Variants in FAF1 observed in about 807,000 individuals in gnomAD.
The protein encoded by FAF1 is Fas associated factor 1, also known as FAS-associated factor 1.
FAF1 carries 25 observed loss-of-function variants against 92.5 expected under a neutral mutation model. That is an observed-to-expected ratio of 0.27 (90% CI 0.20 to 0.38). FAF1 has a LOEUF of 0.38. FAF1 is among the 10% of genes least tolerant of loss of function. FAF1 has a pLI of 1.00. For synonymous variants in FAF1, 234 were observed against 273.2 expected (o/e 0.86, Z 1.42); for missense variants, 636 against 793.3 (o/e 0.80, Z 2.38).
At chr1:50,806,710 G>A (rs181623681) in intron 2 of FAF1, among the ~76,000 whole-genome samples, 76 of 152,298 alleles carry the variant, frequency 5.0e-4, no homozygotes, top group South Asian at 4.6e-3. Context: ...CAAGAATGCC[G>A]GGGGCCTGGT....
chr1:50,678,959 C>A (rs1004647682), intron 7 of FAF1, among the ~76,000 whole-genome samples: 1 of 147,286 alleles, frequency 6.8e-6, no homozygotes, highest in South Asian at 2.2e-4. Context: ...TGGTGGCAGG[C>A]GCCTGTAGTC....
chr1:50,819,930 A>G (rs1484019017), intron 2 of FAF1, among the ~76,000 whole-genome samples: 1 of 149,658 alleles, frequency 6.7e-6, no homozygotes, highest in East Asian at 1.9e-4. Context: ...ATATTTTTCC[A>G]CTTTAATTGA....
At chr1:50,872,064 C>CAAAAAAAA (rs200142842) in intron 1 of FAF1, among the ~76,000 whole-genome samples, 1 of 65,520 alleles carries the variant, frequency 1.5e-5, no homozygotes, top group African/African-American at 5.2e-5. Flanking sequence ...GACTCCATCT[C>CAAAAAAAA]AAAAAAAAAA....
At chr1:50,827,675 C>T (rs1644114577) in intron 2 of FAF1, among the ~76,000 whole-genome samples, 1 of 151,788 alleles carries the variant, frequency 6.6e-6, no homozygotes, top group Non-Finnish European at 1.5e-5. Context: ...CCAGACACAG[C>T]TTCACTAATG....
At chr1:50,509,093 TGCTGTCTTGATG>T (rs1222994251) in intron 15 of FAF1, among the ~76,000 whole-genome samples, 3 of 152,212 alleles carry the variant, frequency 2.0e-5, no homozygotes, top group African/African-American at 7.2e-5. Flanking sequence ...CCATACAAGC[TGCTGTCTTGATG>T]GCTACCAAGC....
chr1:50,947,885 CA>C (rs1645183030), intron 1 of FAF1, among the ~76,000 whole-genome samples: 1 of 151,868 alleles, frequency 6.6e-6, no homozygotes, highest in African/African-American at 2.4e-5. Context: ...CCATTTGTAC[CA>C]TAACAGCCTA....
At chr1:50,462,588 G>A (rs1572758712) in intron 18 of FAF1, among the ~76,000 whole-genome samples, 1 of 152,330 alleles carries the variant, frequency 6.6e-6, no homozygotes, top group East Asian at 1.9e-4. Context: ...GTGTGGGAAA[G>A]TGGCTGCAGG....
In FAF1 at chr1:50,798,149, C is replaced by A. The variant is rs187555625; in HGVS notation, c.161+3482G>T. Among the ~76,000 whole-genome samples the A allele has an allele frequency of 2.0e-5, 3 of 150,840 alleles. No homozygotes were observed. The East Asian group carries it at 5.8e-4, about 29-fold the overall frequency. On this transcript the variant is annotated intron_variant, in intron 3 of 18. Transcript: ENST00000396153. ...TCAGATTTTTTAAATGGAAATTAGACAAAGCAATACATAGAAACTAACTGG... is the reference window on the plus strand; with the variant it reads ...TCAGATTTTTTAAATGGAAATTAGAAAAAGCAATACATAGAAACTAACTGG...
At chr1:50,879,287 T>TGAA (rs1557571642) in intron 1 of FAF1, among the ~76,000 whole-genome samples, 33 of 133,286 alleles carry the variant, frequency 2.5e-4, no homozygotes, top group African/African-American at 8.1e-4. Flanking sequence ...AATGAATGAA[T>TGAA]CAGATTAATG....
At chr1:50,452,201 AC>A (rs763644240) in intron 18 of FAF1, 1 of 1,290,928 alleles carries the variant, frequency 7.7e-7, no homozygotes, top group Non-Finnish European at 1.0e-6. Flanking sequence ...AATCTGGAAG[AC>A]ATAATTTCAA....
intron 4 of FAF1, among the ~76,000 whole-genome samples, chr1:50,746,251 T>C (rs1473832891): frequency 5.1e-5 from 1 of 19,746 alleles, no homozygotes; most frequent in Non-Finnish European, 7.7e-5. Context: ...AACGAACATA[T>C]ATATATATAT....
At chr1:50,626,821 G>A (rs756393670) in intron 8 of FAF1, among the ~76,000 whole-genome samples, 1 of 152,132 alleles carries the variant, frequency 6.6e-6, no homozygotes, top group South Asian at 2.1e-4. Flanking sequence ...ACAATGAAAA[G>A]TTGGTATCTT....
intron 18 of FAF1, among the ~76,000 whole-genome samples, chr1:50,465,528 G>T (rs115314210): frequency 1.3e-3 from 197 of 152,304 alleles, no homozygotes; most frequent in African/African-American, 4.0e-3. Context: ...TGCCAGGAAT[G>T]TATTAGTTAA....
Position 50,867,485 on chromosome 1 carries a change from G to GA in FAF1, c.46-9489dup, listed in dbSNP as rs1255735483. 4.0e-5 allele frequency among the ~76,000 whole-genome samples: 6 copies of GA among 151,104 alleles called. No homozygotes were observed. The East Asian group carries it at 5.9e-4, about 15-fold the overall frequency. On this transcript the variant is annotated intron_variant, in intron 1 of 18. Transcript: ENST00000396153. The stretch of plus-strand genomic sequence containing the variant: ...ATCTATAAGGAACTCAAATCAGCAA[G>GA]AAAAAAACAAACAATCCTATTAAAA...
intron 1 of FAF1, among the ~76,000 whole-genome samples, chr1:50,927,581 A>C (rs1645016083): frequency 2.0e-5 from 3 of 152,198 alleles, no homozygotes; most frequent in South Asian, 2.1e-4. Flanking sequence ...CATATACATA[A>C]AGTTTTAAAA....
chr1:50,944,019 C>T (rs1343073559), intron 1 of FAF1, among the ~76,000 whole-genome samples: 1 of 152,202 alleles, frequency 6.6e-6, no homozygotes, highest in Non-Finnish European at 1.5e-5. Flanking sequence ...TTTGAAAGGA[C>T]TGAATGATGG....
chr1:50,688,107 G>A (rs1348138071), intron 7 of FAF1, among the ~76,000 whole-genome samples: 2 of 151,668 alleles, frequency 1.3e-5, no homozygotes, highest in South Asian at 2.1e-4. Flanking sequence ...CTGCACTCCA[G>A]GCTGGGCAAC....
At chr1:50,751,290 A>T (rs897307776) in intron 4 of FAF1, among the ~76,000 whole-genome samples, 6 of 152,030 alleles carry the variant, frequency 3.9e-5, no homozygotes, top group African/African-American at 1.4e-4. Flanking sequence ...TACGATCAAG[A>T]GCAGTGCTAG....
intron 1 of FAF1, among the ~76,000 whole-genome samples, chr1:50,865,699 G>A (rs1367688931): frequency 1.0e-5 from 1 of 95,330 alleles, no homozygotes; most frequent in African/African-American, 4.0e-5. Flanking sequence ...GGGGTGGGGG[G>A]AGGGGGGAGG....
Sources: allele counts gnomAD v4.1 joint callset (sites outside exome capture counted in the v4.1 genomes callset), GRCh38; gene constraint gnomAD v4.1.1; transcripts MANE v1.5; gene names NCBI Gene and HGNC (gene_info 2026-07-23, HGNC 2026-07-21).